The following SMIM19 variants were observed in gnomAD, a reference collection of about 807,000 sequenced individuals.
The protein encoded by SMIM19 is UPF0697 protein C8orf40.
SMIM19 carries 6 observed loss-of-function variants against 13.2 expected under a neutral mutation model. The observed-to-expected ratio is 0.45, with a 90% CI of 0.25 to 0.90. The LOEUF (loss-of-function observed/expected upper bound fraction) is 0.90, where lower values mean the gene tolerates loss of function less well. Among genes scored for constraint, SMIM19 ranks in the 40% least tolerant of loss-of-function variants. The pLI, the probability that SMIM19 is intolerant of heterozygous loss-of-function variation, is 0.19. For missense variants in SMIM19, 138 were observed against 131.0 expected, an observed-to-expected ratio of 1.05 and a Z score of -0.26; for synonymous variants, 46 against 43.1, an observed-to-expected ratio of 1.07 and a Z score of -0.27.
intron 1 of SMIM19, among the ~76,000 whole-genome samples, chr8:42,542,800 A>C (rs962734786): frequency 2.8e-5 from 4 of 143,490 alleles, no homozygotes; most frequent in African/African-American, 8.3e-5. Context: ...CCCCCACCCC[A>C]CCCCCGTCTT....
At chr8:42,545,995 C>T (rs577329672) in intron 1 of SMIM19, among the ~76,000 whole-genome samples, 2 of 152,244 alleles carry the variant, frequency 1.3e-5, no homozygotes, top group East Asian at 3.9e-4. Flanking sequence ...GAAACAAAAT[C>T]AATATTGTGT....
intron 3 of SMIM19, among the ~76,000 whole-genome samples, chr8:42,549,091 A>G (rs1813584575): frequency 6.6e-6 from 1 of 152,220 alleles, no homozygotes; most frequent in South Asian, 2.1e-4. Flanking sequence ...TGTGGTGCAT[A>G]CAATAGAATG....
rs1257315749 is a variant in SMIM19, at chr8:42,554,367, T to C, written c.*1759T>C. 1 of 151,972 alleles carries C rather than the reference T, an allele frequency of 6.6e-6. No individual in the cohort carries two copies. Among genetic ancestry groups the C allele is most frequent in the Non-Finnish European group, 1.5e-5 (1 of 68,032 alleles). The allele number at this position is 151,972 out of a possible 1,614,324, so 9.4% of individuals were successfully genotyped here. On this transcript the variant is annotated 3_prime_UTR_variant, in exon 4 of 4. Transcript: ENST00000417410. ...AATTTAATCAGCAGTAGGAGTGGTT[T>C]ACTCGTCACTGACATGTGGCACAAT...
intron 3 of SMIM19, among the ~76,000 whole-genome samples, chr8:42,551,328 A>G (rs1813669936): frequency 6.6e-6 from 1 of 151,848 alleles, no homozygotes; most frequent in African/African-American, 2.4e-5. Context: ...AAAAAAAAAA[A>G]ACTTAGAAGA....
intron 3 of SMIM19, among the ~76,000 whole-genome samples, 173 bp from the exon 4 acceptor site, chr8:42,552,371 T>C (rs1484879671): frequency 6.6e-6 from 1 of 152,198 alleles, no homozygotes; most frequent in Non-Finnish European, 1.5e-5. Flanking sequence ...TGAGCTGTGA[T>C]TGTGCCACTG....
intron 2 of SMIM19, among the ~76,000 whole-genome samples, chr8:42,547,835 G>A (rs1426645591): frequency 1.3e-5 from 2 of 152,176 alleles, no homozygotes; most frequent in Non-Finnish European, 2.9e-5. Context: ...GTAAAAAGGG[G>A]GAGGTGCAGG....
At chr8:42,552,076 A>C (rs1813694689) in intron 3 of SMIM19, among the ~76,000 whole-genome samples, 1 of 152,220 alleles carries the variant, frequency 6.6e-6, no homozygotes, top group Admixed American at 6.5e-5. Context: ...TTAGAGGATC[A>C]TGAAGTGTAA....
At chr8:42,549,956 T>G (rs995155432) in intron 3 of SMIM19, among the ~76,000 whole-genome samples, 1 of 151,576 alleles carries the variant, frequency 6.6e-6, no homozygotes, top group Admixed American at 6.6e-5. Flanking sequence ...ATTAGCTGGG[T>G]GTGGTGGTGG....
At position 42,548,475 on chromosome 8, in the gene SMIM19, T is replaced by G. The variant is rs925465775; in HGVS notation, c.135-181T>G. ...AGCTACTTTTCTCACAGCCTCATAC[T>G]TTTTAGTGAAAGAAAGAATACTTTG... On this transcript the variant is annotated intron_variant, in intron 2 of 3. Coordinates refer to ENST00000417410, the MANE Select transcript of SMIM19 (RefSeq NM_001135674.2). 3 of 725,670 alleles carry G rather than the reference T, an allele frequency of 4.1e-6. No individual in the cohort carries two copies. The African/African-American group carries it at 5.2e-5, about 13-fold the overall frequency. 45.0% of individuals were successfully genotyped at this position (725,670 alleles called of 1,614,324 possible). A position where few individuals can be genotyped will look rare whatever the true frequency, so the allele number is the denominator to read the frequency against.
chr8:42,549,031 A>G (rs1203655579), intron 3 of SMIM19, among the ~76,000 whole-genome samples: 1 of 152,236 alleles, frequency 6.6e-6, no homozygotes, highest in African/African-American at 2.4e-5. Flanking sequence ...ACAATAGCCA[A>G]AAGGTGGAAA....
chr8:42,543,052 T>C (rs1384213535), intron 1 of SMIM19, among the ~76,000 whole-genome samples: 1 of 151,784 alleles, frequency 6.6e-6, no homozygotes, highest in African/African-American at 2.4e-5. Context: ...AGTTGTAATA[T>C]ATTGGCAAGT....
chr8:42,546,376 T>C, intron 1 of SMIM19, 93 bp from the exon 2 acceptor site: 1 of 1,419,998 alleles, frequency 7.0e-7, no homozygotes, highest in Non-Finnish European at 9.3e-7. Context: ...GTGGACTGGA[T>C]TTGGCCAGCA....
rs1813755175 is a variant in SMIM19 at position 42,554,168 on chromosome 8, CAG to C, written c.*1562_*1563del. 1 of 152,138 alleles carries C rather than the reference CAG, an allele frequency of 6.6e-6. No individual in the cohort carries two copies. Among genetic ancestry groups the C allele is most frequent in the South Asian group, 2.1e-4 (1 of 4,830 alleles). The allele number at this position is 152,138 out of a possible 1,614,324, so 9.4% of individuals were successfully genotyped here. A position where few individuals can be genotyped will look rare whatever the true frequency, so the allele number is the denominator to read the frequency against. On this transcript the variant is annotated 3_prime_UTR_variant, in exon 4 of 4. Coordinates refer to ENST00000417410, the MANE Select transcript of SMIM19 (RefSeq NM_001135674.2). Reference sequence around the variant, plus strand: ...TATAGTACAAAGTGAATTGACCAAACAGAATAATTCTTAACTCACAAAGGAGT... The same window carrying C: ...TATAGTACAAAGTGAATTGACCAAACAATAATTCTTAACTCACAAAGGAGT...
rs946185967 is a variant in SMIM19 at position 42,553,555 on chromosome 8, G to A, written c.*947G>A. 2 of 152,210 alleles carry A rather than the reference G, an allele frequency of 1.3e-5. No homozygotes were observed. Among genetic ancestry groups the A allele is most frequent in the African/African-American group, 4.8e-5 (2 of 41,454 alleles). The allele number at this position is 152,210 out of a possible 1,614,324, so 9.4% of individuals were successfully genotyped here. A position where few individuals can be genotyped will look rare whatever the true frequency, so the allele number is the denominator to read the frequency against. On this transcript the variant is annotated 3_prime_UTR_variant, in exon 4 of 4. Transcript: ENST00000417410. ...AGAGCCTCATATCTTTTCCCATGCT[G>A]TACTGTACAATGAAATGTTTTTACC... is the stretch of plus-strand genomic sequence containing the variant.
chr8:42,546,418 G>C (rs1177153657), intron 1 of SMIM19, 51 bp from the exon 2 acceptor site: 1 of 1,560,136 alleles, frequency 6.4e-7, no homozygotes, highest in Non-Finnish European at 8.6e-7. Flanking sequence ...TCTCCAGACA[G>C]TGCTACCATC....
At position 42,549,755 on chromosome 8, in the gene SMIM19, A is replaced by T. The variant is rs186595353; in HGVS notation, c.259+975A>T. Among the ~76,000 whole-genome samples the T allele has an allele frequency of 5.9e-5, 9 of 152,214 alleles. No individual in the cohort carries two copies. In the East Asian group the frequency reaches 1.7e-3, roughly 29 times the overall value. On this transcript the variant is annotated intron_variant, in intron 3 of 3. Transcript: ENST00000417410. ...TATGTTATGTATGTTTTACCACATT[A>T]AAAAAAATCCTTTTAAAGAAACATA...
rs754352830 is a variant in SMIM19 at position 42,546,529 on chromosome 8, C to T, written c.57C>T (p.His19=). 2.0e-5 allele frequency: 32 copies of T among 1,614,074 alleles called. No homozygotes were observed. The highest frequency in any genetic ancestry group is 8.3e-5 in the Admixed American group (5 of 60,008). The change falls in exon 2 of 4, where the codon CAC becomes CAT. Residue 19 remains histidine, a synonymous_variant. Coordinates refer to ENST00000417410, the MANE Select transcript of SMIM19 (RefSeq NM_001135674.2). ...ATGGTTCTATTGATTATACTGTTCA[C>T]GAAGCCTGGAATGAAGCCACCAATG... is the stretch of plus-strand genomic sequence containing the variant. The part of the protein sequence containing the change: ...GDDGSIDYTV[H]EAWNEATNVY...
intron 1 of SMIM19, 30 bp from the exon 2 acceptor site, chr8:42,546,439 A>G: frequency 6.3e-7 from 1 of 1,579,152 alleles, no homozygotes. Context: ...ATTAATTAAA[A>G]GAAACCCTGC....
intron 3 of SMIM19, 50 bp from the exon 4 acceptor site, chr8:42,552,494 C>A: frequency 6.4e-7 from 1 of 1,558,820 alleles, no homozygotes; most frequent in South Asian, 1.1e-5. Context: ...AAGTAGTAAT[C>A]ATTTTGCAGT....
Sources: allele counts gnomAD v4.1 joint callset (sites outside exome capture counted in the v4.1 genomes callset), GRCh38; gene constraint gnomAD v4.1.1; transcripts MANE v1.5; gene names NCBI Gene and HGNC (gene_info 2026-07-23, HGNC 2026-07-21).